KSR2: variants seen among roughly 807,000 people sequenced by gnomAD.
KSR2 encodes the protein kinase suppressor of ras 2.
In KSR2, 25 loss-of-function variants were observed where a neutral mutation model predicts 107.8. That is an observed-to-expected ratio of 0.23 (90% CI 0.17 to 0.32). The LOEUF is 0.32. Ranked by LOEUF, KSR2 falls within the 10% of genes least tolerant of loss-of-function variation. The pLI, the probability that KSR2 is intolerant of heterozygous loss-of-function variation, is 1.00. For synonymous variants in KSR2, 480 were observed against 507.0 expected, an observed-to-expected ratio of 0.95 and a Z score of 0.71; for missense variants, 887 against 1,268.9, an observed-to-expected ratio of 0.70 and a Z score of 4.57.
At chr12:117,686,019 G>A (rs1427051347) in intron 4 of KSR2, among the ~76,000 whole-genome samples, 1 of 151,694 alleles carries the variant, frequency 6.6e-6, no homozygotes, top group Non-Finnish European at 1.5e-5. Context: ...TTTGTGCTAA[G>A]CATTTCAGAG....
intron 9 of KSR2, among the ~76,000 whole-genome samples, chr12:117,554,547 G>A (rs1238831954): frequency 6.6e-6 from 1 of 152,106 alleles, no homozygotes; most frequent in Non-Finnish European, 1.5e-5. Flanking sequence ...CACATGTCAT[G>A]GGAGGGGCCC....
chr12:117,734,068 G>A (rs1292962421), intron 4 of KSR2, among the ~76,000 whole-genome samples: 2 of 152,126 alleles, frequency 1.3e-5, no homozygotes, highest in Admixed American at 6.5e-5. Context: ...ATCACTTGAG[G>A]TTAAGAGTTT....
At chr12:117,763,327 TAA>T (rs34345104) in intron 3 of KSR2, among the ~76,000 whole-genome samples, 50 of 149,622 alleles carry the variant, frequency 3.3e-4, no homozygotes, top group East Asian at 9.7e-4. Flanking sequence ...TCTTTGCTAT[TAA>T]AAAAAAAAAA....
rs371697684 is a variant in KSR2 at position 117,910,491 on chromosome 12, A to G, written c.181-50060T>C. 2.2e-4 allele frequency among the ~76,000 whole-genome samples: 33 copies of G among 152,312 alleles called. No homozygotes were observed. The East Asian group carries it at 4.6e-3, about 21-fold the overall frequency. ...AGTCTTGCTTTTTACCTGCTCCTGT[A>G]TAAGGATCAGGAAATCAGAGTTGAA... On this transcript the variant is annotated intron_variant, in intron 1 of 19. Transcript: ENST00000339824.
chr12:117,965,488 G>A (rs1386251738), intron 1 of KSR2, among the ~76,000 whole-genome samples: 1 of 152,140 alleles, frequency 6.6e-6, no homozygotes, highest in African/African-American at 2.4e-5. Context: ...ATATCATGAA[G>A]TATGCTTCCT....
intron 4 of KSR2, among the ~76,000 whole-genome samples, chr12:117,674,942 C>T (rs759669378): frequency 6.6e-6 from 1 of 152,178 alleles, no homozygotes; most frequent in Non-Finnish European, 1.5e-5. Flanking sequence ...TCCTTGACCA[C>T]ACTAAATTCT....
intron 3 of KSR2, among the ~76,000 whole-genome samples, chr12:117,794,862 G>A (rs1890566686): frequency 1.3e-5 from 2 of 151,322 alleles, no homozygotes. Context: ...ATCACTCTTA[G>A]CCAGTTGATG....
chr12:117,748,543 C>T (rs930134369), intron 4 of KSR2, among the ~76,000 whole-genome samples: 1 of 152,066 alleles, frequency 6.6e-6, no homozygotes, highest in Non-Finnish European at 1.5e-5. Context: ...AGAAACATTA[C>T]ACTGTACTCC....
intron 4 of KSR2, among the ~76,000 whole-genome samples, chr12:117,689,345 C>T (rs1476007654): frequency 6.6e-6 from 1 of 152,068 alleles, no homozygotes. Context: ...AAAAATATGA[C>T]ACATCCATAT....
intron 3 of KSR2, among the ~76,000 whole-genome samples, chr12:117,844,709 C>T (rs935129762): frequency 2.0e-5 from 3 of 152,212 alleles, no homozygotes; most frequent in African/African-American, 7.2e-5. Flanking sequence ...TCCCCTTTCC[C>T]TCCACCAACC....
chr12:117,548,279 T>A (rs180949588), intron 9 of KSR2, among the ~76,000 whole-genome samples: 1 of 152,290 alleles, frequency 6.6e-6, no homozygotes, highest in East Asian at 1.9e-4. Context: ...CACTTATATG[T>A]GAATTTTCTT....
intron 1 of KSR2, among the ~76,000 whole-genome samples, chr12:117,862,062 C>CTTTTT (rs34794818): frequency 2.1e-5 from 3 of 139,894 alleles, no homozygotes; most frequent in Non-Finnish European, 4.7e-5. Flanking sequence ...ATATTATCAT[C>CTTTTT]TTTTTTTTTT....
chr12:117,960,914 C>T (rs1224363152), intron 1 of KSR2, among the ~76,000 whole-genome samples: 1 of 151,856 alleles, frequency 6.6e-6, no homozygotes, highest in Non-Finnish European at 1.5e-5. Context: ...ATCCTCCCAC[C>T]TCAGCCTTCC....
At chr12:117,821,953 G>A (rs1891577974) in intron 3 of KSR2, among the ~76,000 whole-genome samples, 1 of 152,166 alleles carries the variant, frequency 6.6e-6, no homozygotes, top group African/African-American at 2.4e-5. Context: ...TGGGATGGGA[G>A]GTTGGCAAGA....
chr12:117,539,521 TAAA>T, intron 10 of KSR2, 195 bp downstream of exon 10: 1 of 508,370 alleles, frequency 2.0e-6, no homozygotes, highest in East Asian at 3.5e-5. Flanking sequence ...TTCCAAAGAT[TAAA>T]TAAGTGATAT....
intron 5 of KSR2, among the ~76,000 whole-genome samples, chr12:117,617,928 A>C (rs777335099): frequency 6.6e-6 from 1 of 152,242 alleles, no homozygotes; most frequent in Non-Finnish European, 1.5e-5. Flanking sequence ...AATTAAGAAT[A>C]AATTAAATTA....
chr12:117,845,425 G>A (rs2245557), intron 3 of KSR2, among the ~76,000 whole-genome samples: 12,330 of 152,174 alleles, frequency 0.081, 640 homozygotes, highest in Non-Finnish European at 0.12. Flanking sequence ...ATGCTTTCTT[G>A]TCATTCAAGT....
At chr12:117,903,001 T>G (rs1185391411) in intron 1 of KSR2, among the ~76,000 whole-genome samples, 1 of 152,216 alleles carries the variant, frequency 6.6e-6, no homozygotes, top group South Asian at 2.1e-4. Flanking sequence ...TAGGGCTTAA[T>G]GAATTGATAC....
intron 4 of KSR2, among the ~76,000 whole-genome samples, chr12:117,671,130 G>A (rs1244410577): frequency 6.6e-6 from 1 of 152,188 alleles, no homozygotes; most frequent in Non-Finnish European, 1.5e-5. Context: ...ACCCTCTGTT[G>A]CTTTGCCTGG....
Sources: gnomAD v4.1 joint callset for allele counts (sites outside exome capture counted in the v4.1 genomes callset) on GRCh38, gnomAD v4.1.1 for gene constraint, MANE v1.5 for transcripts, NCBI Gene and HGNC (gene_info 2026-07-23, HGNC 2026-07-21) for gene names.